The following ZNF385B variants were observed in gnomAD, a reference collection of about 807,000 sequenced individuals.
ZNF385B encodes zinc finger protein 385B.
Under a neutral mutation model 39.2 loss-of-function variants are expected in ZNF385B, and 23 were observed. The ratio of observed to expected loss-of-function variants is 0.59; its 90% CI spans 0.42 to 0.83. ZNF385B has a LOEUF of 0.83. Ranked by LOEUF, ZNF385B falls within the 40% of genes least tolerant of loss-of-function variation. The pLI is 0.00. For missense variants in ZNF385B, 552 were observed against 598.9 expected (o/e 0.92, Z 0.82); for synonymous variants, 205 against 222.6 (o/e 0.92, Z 0.70).
intron 1 of ZNF385B, among the ~76,000 whole-genome samples, chr2:179,780,329 C>G (rs1454374485): frequency 1.3e-5 from 2 of 152,168 alleles, no homozygotes; most frequent in Non-Finnish European, 2.9e-5. Context: ...ATAGATGCTT[C>G]CCTCTCATCT....
intron 1 of ZNF385B, among the ~76,000 whole-genome samples, chr2:179,817,598 A>G (rs1707143004): frequency 6.6e-6 from 1 of 152,148 alleles, no homozygotes; most frequent in African/African-American, 2.4e-5. Flanking sequence ...CAGCAACAAA[A>G]CACCGGGGAA....
chr2:179,665,700 G>A (rs1695055294), intron 3 of ZNF385B, among the ~76,000 whole-genome samples: 4 of 152,124 alleles, frequency 2.6e-5, no homozygotes, highest in African/African-American at 9.7e-5. Context: ...CAGAGCACCA[G>A]CTCCCTTCCT....
intron 6 of ZNF385B, among the ~76,000 whole-genome samples, chr2:179,454,887 A>G (rs1016615354): frequency 6.6e-6 from 1 of 152,252 alleles, no homozygotes; most frequent in Admixed American, 6.5e-5. Context: ...TGGAGTTTAT[A>G]AAGTAAAAAG....
At chr2:179,775,486 C>G (rs1231398735) in intron 1 of ZNF385B, among the ~76,000 whole-genome samples, 1 of 152,170 alleles carries the variant, frequency 6.6e-6, no homozygotes, top group Non-Finnish European at 1.5e-5. Context: ...TTTCACTAGA[C>G]AGTTCATTGG....
chr2:179,563,425 T>C (rs565747613), intron 3 of ZNF385B, among the ~76,000 whole-genome samples: 126 of 152,296 alleles, frequency 8.3e-4, no homozygotes, highest in African/African-American at 2.9e-3. Context: ...TCAGGAAGGA[T>C]TTTGCACCTT....
chr2:179,755,992 T>C (rs1342332785), intron 3 of ZNF385B, among the ~76,000 whole-genome samples: 2 of 152,214 alleles, frequency 1.3e-5, no homozygotes, highest in Non-Finnish European at 2.9e-5. Flanking sequence ...TAGCTGGTTA[T>C]TTTGCTCATT....
intron 9 of ZNF385B, among the ~76,000 whole-genome samples, chr2:179,443,857 T>C (rs1200667302): frequency 3.3e-5 from 5 of 152,212 alleles, no homozygotes; most frequent in Non-Finnish European, 7.4e-5. Context: ...TTTTTGAGAA[T>C]AAGTGTGATC....
At chr2:179,450,685 A>G (rs1188269078) in intron 6 of ZNF385B, among the ~76,000 whole-genome samples, 5 of 152,000 alleles carry the variant, frequency 3.3e-5, no homozygotes, top group Non-Finnish European at 5.9e-5. Flanking sequence ...TGTGGAAGTC[A>G]GTGTGGCGAT....
rs2049138558 is a variant in ZNF385B at position 179,443,366 on chromosome 2, G to A, written c.1345C>T (p.Pro449Ser). The A allele has an allele frequency of 1.9e-6, 3 of 1,612,424 alleles. No individual in the cohort carries two copies. The highest frequency in any genetic ancestry group is 1.7e-6 in the Non-Finnish European group (2 of 1,179,456). Residue 449 changes from proline (P) to serine (S), a missense_variant, in exon 10 of 10, where the codon CCA becomes TCA. By Grantham distance (74) the Pro-to-Ser change is moderately conservative. Transcript: ENST00000410066. ...AAAVSSALSL[P>S]PRPSASLFQA... ...AAGAGCGAGGCAGAGGGCCGGGGTG[G>A]GAGTGACAGCGCTGAGGACACGGCT...
chr2:179,735,171 A>C (rs558259868), intron 3 of ZNF385B, among the ~76,000 whole-genome samples: 162 of 152,222 alleles, frequency 1.1e-3, no homozygotes, highest in African/African-American at 3.7e-3. Flanking sequence ...CAATGAACTC[A>C]AACAAATTTA....
chr2:179,535,459 TTTTTCCTTTTCAGTGGTAGGGCTCTCTAC>T (rs2059503332), intron 4 of ZNF385B, among the ~76,000 whole-genome samples: 1 of 152,230 alleles, frequency 6.6e-6, no homozygotes, highest in Admixed American at 6.5e-5. Context: ...AGATTTTTTG[TTTTTCCTTTTCAGTGGTAGGGCTCTCTAC>T]TAGAATAAAT....
chr2:179,448,942 T>A (rs1382192632), intron 6 of ZNF385B, among the ~76,000 whole-genome samples: 2 of 152,182 alleles, frequency 1.3e-5, no homozygotes, highest in Non-Finnish European at 2.9e-5. Context: ...TCATTTGATT[T>A]AGGTTATATT....
chr2:179,677,427 T>C (rs1239456291), intron 3 of ZNF385B, among the ~76,000 whole-genome samples: 1 of 152,196 alleles, frequency 6.6e-6, no homozygotes, highest in Non-Finnish European at 1.5e-5. Flanking sequence ...GAGAAAATAA[T>C]TGGCAACACA....
intron 3 of ZNF385B, among the ~76,000 whole-genome samples, chr2:179,606,127 C>A (rs1196307073): frequency 1.3e-5 from 2 of 152,196 alleles, no homozygotes; most frequent in Middle Eastern, 3.4e-3. Flanking sequence ...TATCTGTTAA[C>A]ATTTACACAA....
intron 3 of ZNF385B, among the ~76,000 whole-genome samples, chr2:179,592,380 G>A (rs772690643): frequency 6.6e-6 from 1 of 152,162 alleles, no homozygotes; most frequent in Non-Finnish European, 1.5e-5. Context: ...CAGTTAGCTG[G>A]ATGGCTAAAA....
At chr2:179,504,339 G>A (rs1367267223) in intron 5 of ZNF385B, among the ~76,000 whole-genome samples, 3 of 151,656 alleles carry the variant, frequency 2.0e-5, no homozygotes, top group Admixed American at 6.6e-5. Flanking sequence ...ATAAACATAC[G>A]TGTGCATGTG....
At chr2:179,558,838 C>T (rs2105953347) in intron 3 of ZNF385B, among the ~76,000 whole-genome samples, 1 of 152,280 alleles carries the variant, frequency 6.6e-6, no homozygotes, top group East Asian at 1.9e-4. Context: ...ATGGCTTCCA[C>T]CTGGCAGCCA....
At chr2:179,804,652 G>C (rs1706237699) in intron 1 of ZNF385B, among the ~76,000 whole-genome samples, 1 of 152,314 alleles carries the variant, frequency 6.6e-6, no homozygotes, top group East Asian at 1.9e-4. Context: ...TCACAGGATT[G>C]TTATGAGGAT....
intron 5 of ZNF385B, among the ~76,000 whole-genome samples, chr2:179,509,751 G>GT (rs1488660041): frequency 3.3e-5 from 5 of 152,132 alleles, no homozygotes; most frequent in Non-Finnish European, 7.4e-5. Context: ...GAATCAGTTG[G>GT]TTTTTTCAAA....
Sources: gnomAD v4.1 joint callset for allele counts (sites outside exome capture counted in the v4.1 genomes callset) on GRCh38, gnomAD v4.1.1 for gene constraint, MANE v1.5 for transcripts, NCBI Gene and HGNC (gene_info 2026-07-23, HGNC 2026-07-21) for gene names.